The following CSMD1 variants were observed in gnomAD, a reference collection of about 807,000 sequenced individuals.
The protein encoded by CSMD1 is CUB and sushi domain-containing protein 1.
CSMD1 carries 213 observed loss-of-function variants against 417.5 expected under a neutral mutation model. The observed-to-expected ratio is 0.51, with a 90% confidence interval of 0.46 to 0.57. CSMD1 has a LOEUF of 0.57. Ranked by LOEUF, CSMD1 falls within the 20% of genes least tolerant of loss-of-function variation. The pLI is 0.00. For missense variants in CSMD1, 6,923 were observed against 4,529.7 expected, an observed-to-expected ratio of 1.53 and a Z score of -15.17; for synonymous variants, 2,862 against 1,736.8, an observed-to-expected ratio of 1.65 and a Z score of -16.11.
At chr8:4,558,318 T>G (rs1054888875) in intron 2 of CSMD1, among the ~76,000 whole-genome samples, 2 of 152,192 alleles carry the variant, frequency 1.3e-5, no homozygotes, top group Non-Finnish European at 2.9e-5. Flanking sequence ...ACCACTTGAT[T>G]CTTCACTTTT....
chr8:3,057,466 G>A (rs987633652), intron 49 of CSMD1, among the ~76,000 whole-genome samples: 2 of 151,818 alleles, frequency 1.3e-5, no homozygotes, highest in Admixed American at 6.6e-5. Context: ...GTGTGTTTGT[G>A]TATATATATA....
intron 27 of CSMD1, among the ~76,000 whole-genome samples, chr8:3,226,529 C>A (rs112810019): frequency 5.8e-4 from 86 of 148,404 alleles, no homozygotes; most frequent in African/African-American, 2.0e-3. Context: ...CTGCAGTGAG[C>A]TGAGATCACA....
At chr8:4,958,668 T>C (rs1241778239) in intron 1 of CSMD1, among the ~76,000 whole-genome samples, 2 of 152,158 alleles carry the variant, frequency 1.3e-5, no homozygotes, top group Non-Finnish European at 2.9e-5. Flanking sequence ...TTTTGTGAGT[T>C]ACCATGGAGT....
At chr8:3,181,345 A>G in intron 36 of CSMD1, 131 bp from the exon 37 acceptor site, 1 of 659,564 alleles carries the variant, frequency 1.5e-6, no homozygotes, top group Non-Finnish European at 2.6e-6. Flanking sequence ...ATTTAATCTG[A>G]GTGTTGGTTT....
intron 1 of CSMD1, among the ~76,000 whole-genome samples, chr8:4,987,929 T>A (rs551925463): frequency 6.6e-6 from 1 of 152,338 alleles, no homozygotes; most frequent in African/African-American, 2.4e-5. Flanking sequence ...TCTTGGACTT[T>A]AGGCCACAGG....
At chr8:4,727,404 G>C (rs961675823) in intron 1 of CSMD1, among the ~76,000 whole-genome samples, 2 of 152,114 alleles carry the variant, frequency 1.3e-5, no homozygotes, top group Non-Finnish European at 2.9e-5. Flanking sequence ...AACTCCATAA[G>C]TGCACTACCC....
intron 2 of CSMD1, among the ~76,000 whole-genome samples, chr8:4,536,422 G>C (rs1187208037): frequency 6.6e-6 from 1 of 151,892 alleles, no homozygotes; most frequent in Non-Finnish European, 1.5e-5. Context: ...TATAGGTATG[G>C]ATACTCTCAG....
At chr8:3,767,038 G>A (rs1345895567) in intron 5 of CSMD1, among the ~76,000 whole-genome samples, 1 of 152,136 alleles carries the variant, frequency 6.6e-6, no homozygotes, top group African/African-American at 2.4e-5. Flanking sequence ...CATAACTCCG[G>A]AGCTCTTCAG....
At chr8:4,095,250 C>G (rs1199030078) in intron 3 of CSMD1, among the ~76,000 whole-genome samples, 1 of 152,142 alleles carries the variant, frequency 6.6e-6, no homozygotes, top group African/African-American at 2.4e-5. Flanking sequence ...TTCATGTTCC[C>G]TAAGAGGTTC....
At chr8:4,172,081 G>A (rs534002513) in intron 3 of CSMD1, among the ~76,000 whole-genome samples, 150 of 150,150 alleles carry the variant, frequency 1.0e-3, no homozygotes, top group Non-Finnish European at 1.6e-3. Context: ...CTCAGGGGAA[G>A]GCGTATCACG....
At position 4,181,162 on chromosome 8, in the gene CSMD1, A is replaced by C. The variant is rs866328796; in HGVS notation, c.416-149063T>G. On this transcript the variant is annotated intron_variant, in intron 3 of 69. Coordinates refer to ENST00000635120, the MANE Select transcript of CSMD1 (RefSeq NM_033225.6). ...CCATCTATTTTGGTGTATTTGCTTT[A>C]AAAGTAAATGAGAAAGCATTGAATA... is the stretch of plus-strand genomic sequence containing the variant. Among the ~76,000 whole-genome samples, 62 of 152,300 alleles carry C rather than the reference A, an allele frequency of 4.1e-4. 1 individual carries two copies. In the Middle Eastern group the frequency reaches 0.017, roughly 42 times the overall value.
intron 3 of CSMD1, among the ~76,000 whole-genome samples, chr8:4,128,680 A>T (rs10106949): frequency 0.15 from 23,396 of 151,916 alleles, 1,970 homozygotes; most frequent in South Asian, 0.3. Context: ...TTCATCCCAT[A>T]CCCCACAACC....
intron 3 of CSMD1, among the ~76,000 whole-genome samples, chr8:4,061,778 G>T (rs1054380594): frequency 2.0e-5 from 3 of 152,250 alleles, no homozygotes; most frequent in African/African-American, 7.2e-5. Context: ...ACCTAAAAAG[G>T]AGTTCTCCAT....
rs530179727 is a variant in CSMD1 at position 4,580,279 on chromosome 8, A to G, written c.302+57063T>C. 1.1e-4 allele frequency among the ~76,000 whole-genome samples: 17 copies of G among 152,306 alleles called. No homozygotes were observed. The South Asian group carries it at 3.5e-3, about 32-fold the overall frequency. ...TCTCGGCTGTGGTCATCACCCAGCC[A>G]GGTGTCTCCATGCTCATTAATTTAT... On this transcript the variant is annotated intron_variant, in intron 2 of 69. Coordinates refer to ENST00000635120, the MANE Select transcript of CSMD1 (RefSeq NM_033225.6).
intron 1 of CSMD1, among the ~76,000 whole-genome samples, chr8:4,713,414 G>C (rs200198313): frequency 7.8e-6 from 1 of 128,950 alleles, no homozygotes; most frequent in Non-Finnish European, 1.7e-5. Flanking sequence ...GTTTTGTTTT[G>C]TTTTTGAGAC....
chr8:4,205,827 C>A (rs1199262986), intron 3 of CSMD1, among the ~76,000 whole-genome samples: 2 of 152,092 alleles, frequency 1.3e-5, no homozygotes, highest in Admixed American at 1.3e-4. Context: ...AATTCTCCCC[C>A]ATTAACATAT....
chr8:4,002,212 T>G (rs1585112463), intron 4 of CSMD1, among the ~76,000 whole-genome samples: 1 of 151,334 alleles, frequency 6.6e-6, no homozygotes, highest in Non-Finnish European at 1.5e-5. Flanking sequence ...TGAGTGTGTG[T>G]GTGTGAGTGT....
intron 2 of CSMD1, among the ~76,000 whole-genome samples, chr8:4,509,292 A>G (rs1318436765): frequency 6.6e-6 from 1 of 152,120 alleles, no homozygotes. Context: ...ATGAGTCAGG[A>G]GATTGGAAGA....
chr8:3,478,880 C>A (rs76740969), intron 11 of CSMD1, among the ~76,000 whole-genome samples: 10,147 of 152,174 alleles, frequency 0.067, 613 homozygotes, highest in East Asian at 0.33. Context: ...GGAGGCCCTT[C>A]GTCCCAGTAG....
Sources: gnomAD v4.1 joint callset for allele counts (sites outside exome capture counted in the v4.1 genomes callset) on GRCh38, gnomAD v4.1.1 for gene constraint, MANE v1.5 for transcripts, NCBI Gene and HGNC (gene_info 2026-07-23, HGNC 2026-07-21) for gene names.